NSUN2: variants seen among roughly 807,000 people sequenced by gnomAD.
The protein encoded by NSUN2 is RNA cytosine C(5)-methyltransferase NSUN2.
Under a neutral mutation model 92.7 loss-of-function variants are expected in NSUN2, and 63 were observed. The ratio of observed to expected loss-of-function variants is 0.68; its 90% CI spans 0.56 to 0.84. The LOEUF is 0.84. NSUN2 is among the 40% of genes least tolerant of loss of function. NSUN2 has a pLI of 0.00. For missense variants in NSUN2, 989 were observed against 964.9 expected, an observed-to-expected ratio of 1.02 and a Z score of -0.33; for synonymous variants, 356 against 348.3, an observed-to-expected ratio of 1.02 and a Z score of -0.25.
At chr5:6,626,884 T>C (rs533676459) in intron 3 of NSUN2, among the ~76,000 whole-genome samples, 3 of 152,198 alleles carry the variant, frequency 2.0e-5, no homozygotes, top group African/African-American at 7.2e-5. Context: ...GTAGCTAGAG[T>C]GAAAACCATG....
intron 3 of NSUN2, among the ~76,000 whole-genome samples, chr5:6,630,323 TGAG>T (rs1188542263): frequency 2.0e-5 from 3 of 152,194 alleles, no homozygotes; most frequent in Non-Finnish European, 4.4e-5. Flanking sequence ...TTTCCCTTTT[TGAG>T]ACATGGTCTC....
intron 11 of NSUN2, among the ~76,000 whole-genome samples, chr5:6,610,227 C>T (rs956526111): frequency 6.6e-6 from 1 of 151,934 alleles, no homozygotes; most frequent in Non-Finnish European, 1.5e-5. Context: ...CACTGCCTGG[C>T]CAGTTTTTGT....
intron 2 of NSUN2, 139 bp from the exon 3 acceptor site, chr5:6,632,116 T>C (rs1279510185): frequency 3.0e-6 from 2 of 668,160 alleles, no homozygotes; most frequent in African/African-American, 3.6e-5. Flanking sequence ...AGTCACTACT[T>C]TTACACTGTA....
chr5:6,608,513 T>C (rs1439462480), intron 12 of NSUN2, among the ~76,000 whole-genome samples: 1 of 152,198 alleles, frequency 6.6e-6, no homozygotes, highest in East Asian at 1.9e-4. Flanking sequence ...TTGAACTAAG[T>C]GAATAAGAAA....
chr5:6,607,174 G>C lies in NSUN2; in HGVS notation c.1508+26C>G, dbSNP rs748748738. ...GGACTGTGAAGACACCAGCGTATTA[G>C]ATCAAGACATAACCACTTTTCTTAC... On this transcript the variant is annotated intron_variant, in intron 13 of 18. Coordinates refer to ENST00000264670, the MANE Select transcript of NSUN2 (RefSeq NM_017755.6). The C allele has an allele frequency of 9.3e-6, 15 of 1,610,498 alleles. 1 individual carries two copies. The East Asian group carries it at 3.3e-4, about 36-fold the overall frequency.
chr5:6,606,945 C>T, intron 13 of NSUN2, 33 bp from the exon 14 acceptor site: 1 of 1,288,798 alleles, frequency 7.8e-7, no homozygotes. Context: ...ACAAATCAAT[C>T]TGTAATGTGT....
At chr5:6,605,944 C>T (rs1320787629) in intron 14 of NSUN2, among the ~76,000 whole-genome samples, 1 of 152,174 alleles carries the variant, frequency 6.6e-6, no homozygotes, top group African/African-American at 2.4e-5. Context: ...CTGCCTGCCT[C>T]AGCCTCCCCA....
In NSUN2 at chr5:6,632,760, AG is replaced by A; in HGVS notation, c.97-5del. On this transcript the variant is annotated splice_polypyrimidine_tract_variant and splice_region_variant and intron_variant, in intron 1 of 18. Transcript: ENST00000264670. Reference sequence around the variant, plus strand: ...CGGGGTAGCCTCCTTCCCAGCCCTGAGGAAGGAAAGAGACGTCTACCCCGAG... The same window carrying A: ...CGGGGTAGCCTCCTTCCCAGCCCTGAGAAGGAAAGAGACGTCTACCCCGAG... 6.2e-7 allele frequency: 1 copy of A among 1,613,102 alleles called. No individual in the cohort carries two copies.
chr5:6,608,228 C>A (rs714712), intron 12 of NSUN2, among the ~76,000 whole-genome samples: 6,545 of 152,300 alleles, frequency 0.043, 288 homozygotes, highest in African/African-American at 0.11. Flanking sequence ...TCAGTGAGGG[C>A]ACACGCCCTT....
chr5:6,622,059 C>T lies in NSUN2; in HGVS notation c.579G>A (p.Gln193=), dbSNP rs755064997. Residue 193 remains glutamine, a synonymous_variant, in exon 6 of 19, where the codon CAG becomes CAA. Coordinates refer to ENST00000264670, the MANE Select transcript of NSUN2 (RefSeq NM_017755.6). ...MCAAPGSKTT[Q]LIEMLHADMN... ...TGTCGGCATGTAGCATTTCAATTAACTGTGTGGTCTTTGAGCCAGGTGCTG... is the reference window on the plus strand; with the variant it reads ...TGTCGGCATGTAGCATTTCAATTAATTGTGTGGTCTTTGAGCCAGGTGCTG... 76 of 1,614,024 alleles carry T rather than the reference C, an allele frequency of 4.7e-5. No individual in the cohort carries two copies. The highest frequency in any genetic ancestry group is 6.2e-5 in the Non-Finnish European group (73 of 1,179,968).
At chr5:6,620,442 T>A (rs1737390090) in intron 6 of NSUN2, 144 bp from the exon 7 acceptor site, 1 of 571,134 alleles carries the variant, frequency 1.8e-6, no homozygotes, top group Admixed American at 3.8e-5. Flanking sequence ...CAGAATTACG[T>A]TAAGTGGTTC....
At chr5:6,606,425 A>C (rs1736772832) in intron 14 of NSUN2, among the ~76,000 whole-genome samples, 1 of 152,144 alleles carries the variant, frequency 6.6e-6, no homozygotes, top group Non-Finnish European at 1.5e-5. Flanking sequence ...CTGGGACTAC[A>C]GGTGCCCGCC....
intron 17 of NSUN2, chr5:6,603,831 C>A: frequency 3.7e-6 from 1 of 269,374 alleles, no homozygotes; most frequent in Non-Finnish European, 6.9e-6. Context: ...CCTCCTCTCC[C>A]CGGACTCTCT....
chr5:6,604,348 G>A (rs1736673971), intron 16 of NSUN2, 72 bp from the exon 17 acceptor site: 1 of 1,375,274 alleles, frequency 7.3e-7, no homozygotes, highest in South Asian at 1.3e-5. Flanking sequence ...CTGCTCTCAG[G>A]GGCTATGCTC....
At chr5:6,602,214 C>T (rs1445838578) in intron 18 of NSUN2, among the ~76,000 whole-genome samples, 2 of 151,892 alleles carry the variant, frequency 1.3e-5, no homozygotes, top group Non-Finnish European at 2.9e-5. Context: ...AAAATAAGTA[C>T]TATGCATTTT....
rs1736461166 is a variant in NSUN2 at position 6,599,705 on chromosome 5, A to T, written c.*221T>A. On this transcript the variant is annotated 3_prime_UTR_variant, in exon 19 of 19. Transcript: ENST00000264670. Reference sequence around the variant, plus strand: ...CAGCTTGGCCAAAGAAACAAAATAAAACAAGTGATTTCTAACACGCTAAAA... The same window carrying T: ...CAGCTTGGCCAAAGAAACAAAATAATACAAGTGATTTCTAACACGCTAAAA... 1.9e-6 allele frequency: 1 copy of T among 514,396 alleles called. No individual in the cohort carries two copies. Among genetic ancestry groups the T allele is most frequent in the Non-Finnish European group, 3.4e-6 (1 of 292,830 alleles). The allele number at this position is 514,396 out of a possible 1,614,324, so 31.9% of individuals were successfully genotyped here. A position where few individuals can be genotyped will look rare whatever the true frequency, so the allele number is the denominator to read the frequency against.
rs146940518 is a variant in NSUN2, at chr5:6,612,083, G to A, written c.1022-285C>T. 7.2e-5 allele frequency among the ~76,000 whole-genome samples: 11 copies of A among 152,166 alleles called. No homozygotes were observed. In the East Asian group the frequency reaches 2.1e-3, roughly 30 times the overall value. ...ACTGTGGTAAGGCGCTGCCAACTGAGTAAACTTACTAAAAATCACTGAACC... is the reference window on the plus strand; with the variant it reads ...ACTGTGGTAAGGCGCTGCCAACTGAATAAACTTACTAAAAATCACTGAACC... On this transcript the variant is annotated intron_variant, in intron 9 of 18. Transcript: ENST00000264670.
In NSUN2 at chr5:6,605,255, C is replaced by A. The variant is rs180770268; in HGVS notation, c.1737+18G>T. ...GCATCCCGCATCACACAGCACTCAGCGTCTGTGCGGCTGGCACCTTCATCT... is the reference window on the plus strand; with the variant it reads ...GCATCCCGCATCACACAGCACTCAGAGTCTGTGCGGCTGGCACCTTCATCT... On this transcript the variant is annotated intron_variant, in intron 15 of 18. Transcript: ENST00000264670. 106 of 1,613,466 alleles carry A rather than the reference C, an allele frequency of 6.6e-5. 1 individual carries two copies. The African/African-American group carries it at 1.3e-3, about 19-fold the overall frequency.
rs1736479408 is a variant in NSUN2, at chr5:6,599,976, G to A, written c.2254C>T (p.Pro752Ser). 4.3e-6 allele frequency: 7 copies of A among 1,614,058 alleles called. No homozygotes were observed. In the East Asian group the frequency reaches 1.6e-4, roughly 36 times the overall value. Residue 752 changes from proline (P) to serine (S), a missense_variant, in exon 19 of 19, where the codon CCA (proline) becomes TCA (serine). Pro to Ser is a moderately conservative substitution (Grantham distance 74, BLOSUM62 -1). This residue lies in a region of NSUN2 where 626 missense variants were observed against 602.3 expected (regional missense o/e 1.04). Transcript: ENST00000264670. The stretch of plus-strand genomic sequence containing the variant: ...GGGTCACAGCCTGCTGTCACGTCTG[G>A]ACTGTTGGCCTCTTCTGCATCTGGG... ...NSPDAEEANS[P>S]DVTAGCDPAG...
Sources: allele counts gnomAD v4.1 joint callset (sites outside exome capture counted in the v4.1 genomes callset), GRCh38; gene constraint gnomAD v4.1.1; regional missense constraint gnomAD v4.1.1; transcripts MANE v1.5; gene names NCBI Gene and HGNC (gene_info 2026-07-23, HGNC 2026-07-21).